The following MTHFD1L variants were observed in gnomAD, a reference collection of about 807,000 sequenced individuals.
MTHFD1L encodes the protein methylenetetrahydrofolate dehydrogenase (NADP+ dependent) 1 like, also known as monofunctional C1-tetrahydrofolate synthase, mitochondrial.
MTHFD1L carries 81 observed loss-of-function variants against 119.5 expected under a neutral mutation model. The observed-to-expected ratio is 0.68, with a 90% CI of 0.57 to 0.82. The LOEUF (loss-of-function observed/expected upper bound fraction) is 0.82. Ranked by LOEUF, MTHFD1L falls within the 40% of genes least tolerant of loss-of-function variation. MTHFD1L has a pLI of 0.00. For synonymous variants in MTHFD1L, 430 were observed against 475.2 expected (o/e 0.90, Z 1.24); for missense variants, 1,125 against 1,253.4 (o/e 0.90, Z 1.55).
At chr6:150,967,109 C>T (rs1797321197) in intron 19 of MTHFD1L, among the ~76,000 whole-genome samples, 1 of 117,172 alleles carries the variant, frequency 8.5e-6, no homozygotes, top group Non-Finnish European at 2.1e-5. Flanking sequence ...TCAAAAACCT[C>T]CTGCCCCCAC....
At chr6:151,087,890 A>G (rs2128643621) in intron 26 of MTHFD1L, among the ~76,000 whole-genome samples, 1 of 152,360 alleles carries the variant, frequency 6.6e-6, no homozygotes, top group Non-Finnish European at 1.5e-5. Context: ...GCCTTTGTAG[A>G]AGAATCCATT....
intron 7 of MTHFD1L, among the ~76,000 whole-genome samples, chr6:150,898,471 A>G (rs940749903): frequency 2.6e-5 from 4 of 152,204 alleles, no homozygotes; most frequent in African/African-American, 9.6e-5. Flanking sequence ...TCTGTGTGCA[A>G]TGTGAGGCTC....
intron 7 of MTHFD1L, among the ~76,000 whole-genome samples, chr6:150,895,030 T>C (rs1044626658): frequency 2.0e-5 from 3 of 152,204 alleles, no homozygotes; most frequent in Admixed American, 6.5e-5. Flanking sequence ...ATTAGCCATA[T>C]GCTGTGGAGT....
chr6:151,025,455 CT>C (rs1296957837), intron 24 of MTHFD1L, among the ~76,000 whole-genome samples: 1 of 152,204 alleles, frequency 6.6e-6, no homozygotes, highest in Non-Finnish European at 1.5e-5. Flanking sequence ...TCATGTTGTA[CT>C]TTAATTTGAA....
intron 1 of MTHFD1L, among the ~76,000 whole-genome samples, chr6:150,867,063 C>G (rs1418111797): frequency 6.6e-6 from 1 of 152,140 alleles, no homozygotes; most frequent in African/African-American, 2.4e-5. Flanking sequence ...TCTGCCTTTC[C>G]TTCCTCCCTC....
At chr6:150,986,828 C>G (rs2128433969) in intron 20 of MTHFD1L, among the ~76,000 whole-genome samples, 1 of 152,236 alleles carries the variant, frequency 6.6e-6, no homozygotes, top group East Asian at 1.9e-4. Flanking sequence ...TTTCAGCCTC[C>G]CAAGTAGCTG....
Position 150,922,220 on chromosome 6 carries a change from G to A in MTHFD1L, c.1000G>A (p.Gly334Arg). Residue 334 changes from glycine to arginine, a missense_variant, in exon 10 of 28, where the codon GGA (glycine) becomes AGA (arginine). Transcript: ENST00000367321. ...CCTGCTGAAGAACATGGTCAGTAGT[G>A]GAAGGAGATGGCTTCGTGAACAGCA... is the stretch of plus-strand genomic sequence containing the variant. Reference protein sequence around the residue: ...ALRIQNMVSSGRRWLREQQHR... With the variant: ...ALRIQNMVSSRRRWLREQQHR... 6.2e-7 allele frequency: 1 copy of A among 1,613,948 alleles called. No homozygotes were observed. Among genetic ancestry groups the A allele is most frequent in the South Asian group, 1.1e-5 (1 of 91,056 alleles).
chr6:150,920,069 T>G (rs2128891368), intron 9 of MTHFD1L, among the ~76,000 whole-genome samples: 1 of 152,324 alleles, frequency 6.6e-6, no homozygotes, highest in Admixed American at 6.5e-5. Flanking sequence ...TCTGTAGGGC[T>G]GCTCACAGTG....
chr6:150,968,714 C>T (rs1275115729), intron 19 of MTHFD1L, among the ~76,000 whole-genome samples: 1 of 151,526 alleles, frequency 6.6e-6, no homozygotes, highest in Non-Finnish European at 1.5e-5. Flanking sequence ...TGGGGTTTCA[C>T]CACGTTGGCC....
intron 11 of MTHFD1L, among the ~76,000 whole-genome samples, chr6:150,932,287 G>T (rs1042185628): frequency 6.6e-6 from 1 of 151,718 alleles, no homozygotes; most frequent in Non-Finnish European, 1.5e-5. Context: ...CTCAACAAGT[G>T]TGTGGCCTGG....
chr6:150,869,245 G>T (rs1310725448), intron 1 of MTHFD1L, among the ~76,000 whole-genome samples: 4 of 152,132 alleles, frequency 2.6e-5, no homozygotes, highest in Non-Finnish European at 5.9e-5. Context: ...CGCCATGGTG[G>T]TTTGCTGCAC....
chr6:150,999,667 C>T (rs1248251831), intron 20 of MTHFD1L, among the ~76,000 whole-genome samples: 1 of 152,076 alleles, frequency 6.6e-6, no homozygotes, highest in African/African-American at 2.4e-5. Context: ...TTATAATATT[C>T]ATCGAAACAT....
At chr6:151,061,224 C>T (rs1469520596) in intron 26 of MTHFD1L, among the ~76,000 whole-genome samples, 1 of 152,146 alleles carries the variant, frequency 6.6e-6, no homozygotes, top group Non-Finnish European at 1.5e-5. Flanking sequence ...CAAAAGGAAA[C>T]AGCACGTGGG....
At chr6:150,957,471 T>C (rs1434842058) in intron 17 of MTHFD1L, among the ~76,000 whole-genome samples, 1 of 152,046 alleles carries the variant, frequency 6.6e-6, no homozygotes, top group East Asian at 1.9e-4. Context: ...AAATTTGAAA[T>C]GACCCAACAA....
chr6:151,021,446 G>A (rs1783933828), intron 24 of MTHFD1L, among the ~76,000 whole-genome samples: 2 of 152,196 alleles, frequency 1.3e-5, no homozygotes, highest in African/African-American at 2.4e-5. Context: ...TACTCGGGAG[G>A]CTGAGGCAGG....
At chr6:151,050,264 G>T (rs575924933) in intron 26 of MTHFD1L, among the ~76,000 whole-genome samples, 1 of 152,316 alleles carries the variant, frequency 6.6e-6, no homozygotes, top group Non-Finnish European at 1.5e-5. Context: ...CTGGGTTCAA[G>T]CGACTCTCCC....
intron 9 of MTHFD1L, among the ~76,000 whole-genome samples, 194 bp from the exon 10 acceptor site, chr6:150,922,011 C>G (rs1789033007): frequency 6.6e-6 from 1 of 152,194 alleles, no homozygotes. Context: ...TAGTGGTTTT[C>G]ACGTTTTCCT....
At chr6:151,049,205 GA>G (rs1233028604) in intron 26 of MTHFD1L, among the ~76,000 whole-genome samples, 1 of 152,094 alleles carries the variant, frequency 6.6e-6, no homozygotes, top group Non-Finnish European at 1.5e-5. Flanking sequence ...AAAATACAAA[GA>G]TTAGGCCGGG....
intron 6 of MTHFD1L, among the ~76,000 whole-genome samples, chr6:150,886,991 T>C (rs1314538573): frequency 7.0e-6 from 1 of 142,370 alleles, no homozygotes; most frequent in Non-Finnish European, 1.5e-5. Flanking sequence ...CAAGATCCTA[T>C]CTGAAAAAAA....
Sources: gnomAD v4.1 joint callset for allele counts (sites outside exome capture counted in the v4.1 genomes callset) on GRCh38, gnomAD v4.1.1 for gene constraint, MANE v1.5 for transcripts, NCBI Gene and HGNC (gene_info 2026-07-23, HGNC 2026-07-21) for gene names.